The following KIF26B variants were observed in gnomAD, a reference collection of about 807,000 sequenced individuals.
The protein encoded by KIF26B is kinesin-like protein KIF26B.
Under a neutral mutation model 151.2 loss-of-function variants are expected in KIF26B, and 63 were observed. That is an observed-to-expected ratio of 0.42 (90% CI 0.34 to 0.51). The LOEUF (loss-of-function observed/expected upper bound fraction) is 0.51, where lower values mean the gene tolerates loss of function less well. Among genes scored for constraint, KIF26B ranks in the 20% least tolerant of loss-of-function variants. The pLI is 0.07. For synonymous variants in KIF26B, 1,357 were observed against 1,262.1 expected (o/e 1.08, Z -1.59); for missense variants, 2,813 against 2,913.6 (o/e 0.97, Z 0.79).
At chr1:245,537,597 A>G (rs1275777538) in intron 4 of KIF26B, among the ~76,000 whole-genome samples, 3 of 152,212 alleles carry the variant, frequency 2.0e-5, no homozygotes, top group African/African-American at 7.2e-5. Context: ...GTGAGAGGTG[A>G]TGGGATCACA....
chr1:245,436,349 C>T (rs1314174425), intron 4 of KIF26B, among the ~76,000 whole-genome samples: 1 of 152,070 alleles, frequency 6.6e-6, no homozygotes, highest in African/African-American at 2.4e-5. Flanking sequence ...CACCCAGGTA[C>T]CTACACAACA....
intron 4 of KIF26B, among the ~76,000 whole-genome samples, chr1:245,481,827 G>C (rs1206590664): frequency 2.0e-5 from 3 of 151,742 alleles, no homozygotes; most frequent in Non-Finnish European, 4.4e-5. Context: ...CACAGACCTT[G>C]ATCAATGTCC....
rs1207515385 is a variant in KIF26B, at chr1:245,367,156, A to T, written c.788A>T (p.Lys263Met). 1.2e-6 allele frequency: 2 copies of T among 1,604,350 alleles called. No homozygotes were observed. Among genetic ancestry groups the T allele is most frequent in the Admixed American group, 1.7e-5 (1 of 58,628 alleles). ...ATSNYTGFAN[K>M]HGSKPSSLGV... Reference sequence around the variant, plus strand: ...TCCAACTACACAGGCTTCGCCAACAAGCACGGCAGCAAACCCAGCAGCCTT... The same window carrying T: ...TCCAACTACACAGGCTTCGCCAACATGCACGGCAGCAAACCCAGCAGCCTT... The change falls in exon 3 of 15, where the codon AAG becomes ATG. Residue 263 changes from lysine to methionine, a missense_variant. Around this residue, in one of 3 missense-constraint regions of KIF26B, gnomAD observed 676 missense variants for 688.1 expected, o/e 0.98. Coordinates refer to ENST00000407071, the MANE Select transcript of KIF26B (RefSeq NM_018012.4). The surrounding 1 kb of genome is among the most constrained non-coding windows in gnomAD (Gnocchi z 4.2).
rs55650522 is a variant in KIF26B, at chr1:245,552,122, GGTGTGTGTGTGTGTGTGT to G, written c.1350+11204_1350+11221del. Among the ~76,000 whole-genome samples, 76 of 131,708 alleles carry G rather than the reference GGTGTGTGTGTGTGTGTGT, an allele frequency of 5.8e-4. 1 individual carries two copies. The highest frequency in any genetic ancestry group is 1.5e-3 in the African/African-American group (52 of 35,662). The allele number at this position is 131,708 out of a possible 152,430, so 86.4% of individuals were successfully genotyped here. On this transcript the variant is annotated intron_variant, in intron 5 of 14. Coordinates refer to ENST00000407071, the MANE Select transcript of KIF26B (RefSeq NM_018012.4). The stretch of plus-strand genomic sequence containing the variant: ...TTCTCCAGAGAAACAGAACCAGCAG[GGTGTGTGTGTGTGTGTGT>G]GTGTGTGTGTGTGTGTGTGTGTGTG...
intron 11 of KIF26B, 110 bp downstream of exon 11, chr1:245,684,505 G>A: frequency 8.6e-7 from 1 of 1,168,412 alleles, no homozygotes. Flanking sequence ...CCAGCATCAG[G>A]AGATGTGACT....
rs935336242 is a variant in KIF26B, at chr1:245,170,833, C to T, written c.465+14150C>T. ...TGATTTTGGGGAGAACATAAGCGTT[C>T]AGTCTGTTGCAGCAAGCATGAGGTC... is the stretch of plus-strand genomic sequence containing the variant. On this transcript the variant is annotated intron_variant, in intron 2 of 14. Transcript: ENST00000407071. This position sits in a 1 kb window ranked among gnomAD's most constrained non-coding sequence, Gnocchi z 4.4. Among the ~76,000 whole-genome samples the T allele has an allele frequency of 6.6e-6, 1 of 152,172 alleles. No individual in the cohort carries two copies. The highest frequency in any genetic ancestry group is 6.5e-5 in the Admixed American group (1 of 15,278).
chr1:245,642,239 G>A (rs1295518469), intron 9 of KIF26B, among the ~76,000 whole-genome samples: 1 of 152,166 alleles, frequency 6.6e-6, no homozygotes, highest in African/African-American at 2.4e-5. Context: ...AGCAAGAGGG[G>A]CAGAAGTTGA....
chr1:245,363,038 G>A (rs1363314446), intron 2 of KIF26B, among the ~76,000 whole-genome samples: 2 of 152,168 alleles, frequency 1.3e-5, no homozygotes, highest in Non-Finnish European at 2.9e-5. Flanking sequence ...TGAAGCCCAC[G>A]AGCTAGGCAG....
intron 4 of KIF26B, among the ~76,000 whole-genome samples, chr1:245,491,225 A>C (rs1558186788): frequency 6.6e-6 from 1 of 152,164 alleles, no homozygotes; most frequent in Non-Finnish European, 1.5e-5. Context: ...GGACCTAAAA[A>C]ATTTAGGTCA....
chr1:245,555,802 G>A lies in KIF26B; in HGVS notation c.1350+14852G>A, dbSNP rs373409087. Among the ~76,000 whole-genome samples the A allele has an allele frequency of 1.1e-3, 169 of 152,256 alleles. 1 individual carries two copies. In the South Asian group the frequency reaches 0.032, roughly 29 times the overall value. On this transcript the variant is annotated intron_variant, in intron 5 of 14. Transcript: ENST00000407071. ...AGGAGGGGAGCCCTTCACCCAATCC[G>A]TATTTACCGAGCATTGACTGGGTGC...
At chr1:245,628,964 CAGAG>C (rs1336601852) in intron 9 of KIF26B, among the ~76,000 whole-genome samples, 1 of 152,146 alleles carries the variant, frequency 6.6e-6, no homozygotes, top group Admixed American at 6.5e-5. Flanking sequence ...AACAGACAAA[CAGAG>C]AGCCAAATCA....
At chr1:245,228,156 C>T (rs184815166) in intron 2 of KIF26B, among the ~76,000 whole-genome samples, 3 of 152,358 alleles carry the variant, frequency 2.0e-5, no homozygotes, top group East Asian at 3.9e-4. Context: ...CGGAAGCCTT[C>T]TCCATTCACT....
intron 5 of KIF26B, among the ~76,000 whole-genome samples, chr1:245,571,270 C>T (rs930910984): frequency 5.3e-5 from 8 of 152,172 alleles, no homozygotes; most frequent in African/African-American, 1.4e-4. Flanking sequence ...TAGGACTGAC[C>T]GGGGCTCCCC....
At chr1:245,271,306 A>G (rs1466879337) in intron 2 of KIF26B, among the ~76,000 whole-genome samples, 2 of 152,126 alleles carry the variant, frequency 1.3e-5, no homozygotes, top group African/African-American at 4.8e-5. Context: ...GCCATTGGGA[A>G]TTTGCTAGGA....
In KIF26B at chr1:245,156,507, C is replaced by T; in HGVS notation, c.289C>T (p.Pro97Ser). 1 of 1,531,088 alleles carries T rather than the reference C, an allele frequency of 6.5e-7. No individual in the cohort carries two copies. The highest frequency in any genetic ancestry group is 8.7e-7 in the Non-Finnish European group (1 of 1,143,284). The allele number at this position is 1,531,088 out of a possible 1,614,324, so 94.8% of individuals were successfully genotyped here. A position where few individuals can be genotyped will look rare whatever the true frequency, so the allele number is the denominator to read the frequency against. Residue 97 changes from proline to serine, a missense_variant, in exon 2 of 15, where the codon CCG becomes TCG. By Grantham distance (74) the Pro-to-Ser change is moderately conservative. Around this residue, in one of 3 missense-constraint regions of KIF26B, gnomAD observed 676 missense variants for 688.1 expected, o/e 0.98. Coordinates refer to ENST00000407071, the MANE Select transcript of KIF26B (RefSeq NM_018012.4). ...CTCCCCCGGCATCGGCACTAGTTCG[C>T]CGGGCTCCTTGGGCGGCTCTCCGGG... is the stretch of plus-strand genomic sequence containing the variant. ...PASPGIGTSS[P>S]GSLGGSPGFG... is the part of the protein sequence containing the mutation.
intron 9 of KIF26B, among the ~76,000 whole-genome samples, chr1:245,641,868 C>T (rs370570644): frequency 1.6e-4 from 24 of 150,232 alleles, no homozygotes; most frequent in Admixed American, 1.1e-3. Context: ...ATGTTCTTGA[C>T]GCTTGAAGTA....
intron 4 of KIF26B, among the ~76,000 whole-genome samples, chr1:245,452,801 T>C (rs1328165439): frequency 6.6e-6 from 1 of 152,104 alleles, no homozygotes; most frequent in Non-Finnish European, 1.5e-5. Flanking sequence ...TATTGTTGAG[T>C]TTTAGGAGTT....
chr1:245,561,944 C>T (rs573012187), intron 5 of KIF26B, among the ~76,000 whole-genome samples: 12 of 152,254 alleles, frequency 7.9e-5, no homozygotes, highest in East Asian at 1.9e-4. Context: ...TTACAGCTTT[C>T]TGTGGCCTGA....
At chr1:245,423,602 C>T (rs949256573) in intron 4 of KIF26B, among the ~76,000 whole-genome samples, 11 of 151,872 alleles carry the variant, frequency 7.2e-5, no homozygotes, top group African/African-American at 2.2e-4. Context: ...ACAGAAAAAC[C>T]CCCAATTTGT....
Sources: allele counts gnomAD v4.1 joint callset (sites outside exome capture counted in the v4.1 genomes callset), GRCh38; gene constraint gnomAD v4.1.1; regional missense constraint gnomAD v4.1.1; non-coding constraint Gnocchi (gnomAD v3.1); transcripts MANE v1.5; gene names NCBI Gene and HGNC (gene_info 2026-07-23, HGNC 2026-07-21).